Variants in ABHD5 observed in about 807,000 individuals in gnomAD.
ABHD5 encodes the protein abhydrolase domain containing 5, lysophosphatidic acid acyltransferase.
A neutral mutation model predicts 44.9 loss-of-function variants in ABHD5; 30 were observed. The ratio of observed to expected loss-of-function variants is 0.67; its 90% CI spans 0.50 to 0.91. The LOEUF (loss-of-function observed/expected upper bound fraction) is 0.91, where lower values mean the gene tolerates loss of function less well. Among genes scored for constraint, ABHD5 ranks in the 40% least tolerant of loss-of-function variants. The probability of loss-of-function intolerance (pLI) is 0.00; values close to 1 mark genes in which losing one functional copy is unlikely to be tolerated. For missense variants in ABHD5, 399 were observed against 423.4 expected, an observed-to-expected ratio of 0.94 and a Z score of 0.50; for synonymous variants, 167 against 147.0, an observed-to-expected ratio of 1.14 and a Z score of -0.99.
Position 43,721,574 on chromosome 3 carries a change from A to G in ABHD5, c.*3042A>G, listed in dbSNP as rs2084837102. 1 of 151,894 alleles carries G rather than the reference A, an allele frequency of 6.6e-6. No individual in the cohort carries two copies. Among genetic ancestry groups the G allele is most frequent in the Admixed American group, 6.6e-5 (1 of 15,254 alleles). The allele number at this position is 151,894 out of a possible 1,614,324, so 9.4% of individuals were successfully genotyped here. ...GGACTGGCTCTACCAAAAAAAAAAA[A>G]AAAAAAAAATTAAGTACCTGGCCTG... is the stretch of plus-strand genomic sequence containing the variant. On this transcript the variant is annotated 3_prime_UTR_variant, in exon 7 of 7. Coordinates refer to ENST00000644371, the MANE Select transcript of ABHD5 (RefSeq NM_016006.6).
At chr3:43,715,118 TG>T in intron 5 of ABHD5, 60 bp downstream of exon 5, 1 of 1,162,502 alleles carries the variant, frequency 8.6e-7, no homozygotes, top group Non-Finnish European at 1.3e-6. Context: ...TGTGTGTGTG[TG>T]TTTGTGTGTG....
At chr3:43,715,247 G>A (rs1227995985) in intron 5 of ABHD5, among the ~76,000 whole-genome samples, 189 bp downstream of exon 5, 1 of 152,022 alleles carries the variant, frequency 6.6e-6, no homozygotes, top group South Asian at 2.1e-4. Context: ...CACAACCTCC[G>A]CGTCCTGGGT....
intron 2 of ABHD5, chr3:43,701,976 C>T (rs996208551): frequency 6.7e-6 from 3 of 447,558 alleles, no homozygotes; most frequent in African/African-American, 2.0e-5. Flanking sequence ...TTGCCAAAGA[C>T]CTTGATCACA....
intron 1 of ABHD5, among the ~76,000 whole-genome samples, chr3:43,696,909 A>G (rs547912257): frequency 1.7e-4 from 26 of 152,314 alleles, no homozygotes; most frequent in African/African-American, 6.0e-4. Flanking sequence ...CCCACTTTAA[A>G]AAATCACCTG....
chr3:43,727,889 G>A (rs764236732), intron 7 of ABHD5, among the ~76,000 whole-genome samples: 27 of 152,126 alleles, frequency 1.8e-4, no homozygotes, highest in Non-Finnish European at 2.5e-4. Context: ...TAGTACAGGC[G>A]TGAGCCACCG....
chr3:43,726,807 A>T (rs1314868589), downstream of ABHD5, among the ~76,000 whole-genome samples: 2 of 152,160 alleles, frequency 1.3e-5, no homozygotes, highest in African/African-American at 4.8e-5. Context: ...AAGAGATTCT[A>T]ATTCTGCAGA....
In ABHD5 at chr3:43,711,705, A is replaced by G. The variant is rs756234827; in HGVS notation, c.507-4A>G. The stretch of plus-strand genomic sequence containing the variant: ...GAACTTAAATATATTCTTTCCCCCA[A>G]CAGGGTTAATCATCTCATTTTAGTG... On this transcript the variant is annotated splice_polypyrimidine_tract_variant and splice_region_variant and intron_variant, in intron 3 of 6. Coordinates refer to ENST00000644371, the MANE Select transcript of ABHD5 (RefSeq NM_016006.6). 14 of 1,613,994 alleles carry G rather than the reference A, an allele frequency of 8.7e-6. No homozygotes were observed. The highest frequency in any genetic ancestry group is 3.3e-5 in the Admixed American group (2 of 60,000).
At chr3:43,710,952 T>C (rs576552864) in intron 3 of ABHD5, among the ~76,000 whole-genome samples, 2 of 152,340 alleles carry the variant, frequency 1.3e-5, no homozygotes, top group South Asian at 4.1e-4. Context: ...ATGGAAAAAT[T>C]AAAATGATTA....
At chr3:43,692,653 C>T (rs2084411664) in intron 1 of ABHD5, among the ~76,000 whole-genome samples, 1 of 152,192 alleles carries the variant, frequency 6.6e-6, no homozygotes, top group Admixed American at 6.5e-5. Flanking sequence ...TCCAAGGTTG[C>T]CCCTGTGTGC....
intron 7 of ABHD5, among the ~76,000 whole-genome samples, chr3:43,733,593 T>C (rs1391268673): frequency 6.6e-6 from 1 of 152,262 alleles, no homozygotes; most frequent in Non-Finnish European, 1.5e-5. Flanking sequence ...CCCTTGTGTT[T>C]GCCTTTCACA....
At chr3:43,712,455 T>C (rs2084701239) in intron 4 of ABHD5, among the ~76,000 whole-genome samples, 2 of 152,172 alleles carry the variant, frequency 1.3e-5, no homozygotes, top group African/African-American at 4.8e-5. Context: ...CCTGATTGAC[T>C]TTTATTTGAC....
At chr3:43,694,382 T>C (rs115576710) in intron 1 of ABHD5, among the ~76,000 whole-genome samples, 32 of 152,250 alleles carry the variant, frequency 2.1e-4, no homozygotes, top group African/African-American at 5.8e-4. Context: ...CCACTCCTGA[T>C]TGTGAGTTAC....
intron 3 of ABHD5, among the ~76,000 whole-genome samples, chr3:43,704,767 TA>T (rs1188247193): frequency 8.5e-5 from 13 of 152,258 alleles, no homozygotes; most frequent in African/African-American, 3.1e-4. Flanking sequence ...TGCATTGGAC[TA>T]ATAATATTTT....
chr3:43,726,965 C>CTTGAACTCTCAGTTTAA (rs1217382022), downstream of ABHD5, among the ~76,000 whole-genome samples: 10 of 152,276 alleles, frequency 6.6e-5, no homozygotes, highest in African/African-American at 2.4e-4. Flanking sequence ...TTTGGTGGCA[C>CTTGAACTCTCAGTTTAA]TTGAACTCTC....
At chr3:43,711,098 C>T (rs1575604474) in intron 3 of ABHD5, among the ~76,000 whole-genome samples, 2 of 152,192 alleles carry the variant, frequency 1.3e-5, no homozygotes, top group Admixed American at 1.3e-4. Flanking sequence ...GGTAGATAGA[C>T]TTGTTCCTTT....
At position 43,722,277 on chromosome 3, in the gene ABHD5, G is replaced by A. The variant is rs2084845635; in HGVS notation, c.*3745G>A. The A allele has an allele frequency of 1.3e-5, 2 of 152,188 alleles. No individual in the cohort carries two copies. Among genetic ancestry groups the A allele is most frequent in the Non-Finnish European group, 2.9e-5 (2 of 68,032 alleles). 9.4% of individuals were successfully genotyped at this position (152,188 alleles called of 1,614,324 possible). A position where few individuals can be genotyped will look rare whatever the true frequency, so the allele number is the denominator to read the frequency against. On this transcript the variant is annotated 3_prime_UTR_variant, in exon 7 of 7. Coordinates refer to ENST00000644371, the MANE Select transcript of ABHD5 (RefSeq NM_016006.6). Reference sequence around the variant, plus strand: ...GAAAGGACTGCGAACTATTTTTGTAGTTCTGGTCTGGAGAAATCTCCAGAA... The same window carrying A: ...GAAAGGACTGCGAACTATTTTTGTAATTCTGGTCTGGAGAAATCTCCAGAA...
In ABHD5 at chr3:43,720,057, C is replaced by G. The variant is rs1241617632; in HGVS notation, c.*1525C>G. On this transcript the variant is annotated 3_prime_UTR_variant, in exon 7 of 7. Coordinates refer to ENST00000644371, the MANE Select transcript of ABHD5 (RefSeq NM_016006.6). The stretch of plus-strand genomic sequence containing the variant: ...TTATACTGAAGCATGATATAAACAT[C>G]TTCCCAATGAACAATTTGTCTCACT... 2 of 152,200 alleles carry G rather than the reference C, an allele frequency of 1.3e-5. No homozygotes were observed. Among genetic ancestry groups the G allele is most frequent in the African/African-American group, 4.8e-5 (2 of 41,440 alleles). The allele number at this position is 152,200 out of a possible 1,614,324, so 9.4% of individuals were successfully genotyped here. A position where few individuals can be genotyped will look rare whatever the true frequency, so the allele number is the denominator to read the frequency against.
intron 2 of ABHD5, among the ~76,000 whole-genome samples, chr3:43,700,321 G>A (rs929469899): frequency 8.5e-5 from 13 of 152,076 alleles, no homozygotes; most frequent in Non-Finnish European, 2.9e-5. Flanking sequence ...GGCATTCCAA[G>A]GTATCTGTGG....
chr3:43,718,603 T>G lies in ABHD5; in HGVS notation c.*71T>G. 7.1e-7 allele frequency: 1 copy of G among 1,402,358 alleles called. No individual in the cohort carries two copies. Among genetic ancestry groups the G allele is most frequent in the Non-Finnish European group, 1.0e-6 (1 of 987,632 alleles). The allele number at this position is 1,402,358 out of a possible 1,614,324, so 86.9% of individuals were successfully genotyped here. ...TTCAGCAATAATTCATAGTCTGTGA[T>G]GAAGAGTAGTGAATACAACACACAA... On this transcript the variant is annotated 3_prime_UTR_variant, in exon 7 of 7. Coordinates refer to ENST00000644371, the MANE Select transcript of ABHD5 (RefSeq NM_016006.6).
Sources: allele counts gnomAD v4.1 joint callset (sites outside exome capture counted in the v4.1 genomes callset), GRCh38; gene constraint gnomAD v4.1.1; transcripts MANE v1.5; gene names NCBI Gene and HGNC (gene_info 2026-07-23, HGNC 2026-07-21).